The following ETV5 variants were observed in gnomAD, a reference collection of about 807,000 sequenced individuals.
ETV5 encodes the protein ETS translocation variant 5.
Under a neutral mutation model 70.0 loss-of-function variants are expected in ETV5, and 10 were observed. That is an observed-to-expected ratio of 0.14 (90% CI 0.09 to 0.24). ETV5 has a LOEUF of 0.24. ETV5 is among the 10% of genes least tolerant of loss of function. The pLI is 1.00. For synonymous variants in ETV5, 216 were observed against 242.2 expected, an observed-to-expected ratio of 0.89 and a Z score of 1.01; for missense variants, 453 against 651.2, an observed-to-expected ratio of 0.70 and a Z score of 3.31.
At chr3:186,079,751 C>T (rs1713884685) in intron 7 of ETV5, 66 bp downstream of exon 7, 2 of 1,502,324 alleles carry the variant, frequency 1.3e-6, no homozygotes, top group African/African-American at 1.4e-5. Context: ...ACTGCTTCCC[C>T]TCTCCCAGTG....
chr3:186,106,738 C>T (rs941488998), intron 1 of ETV5, among the ~76,000 whole-genome samples: 2 of 151,990 alleles, frequency 1.3e-5, no homozygotes, highest in Admixed American at 1.3e-4. Context: ...TAGACATACC[C>T]CCCCACCCCC....
chr3:186,088,561 A>C (rs1714110305), intron 5 of ETV5, among the ~76,000 whole-genome samples: 1 of 152,116 alleles, frequency 6.6e-6, no homozygotes, highest in Non-Finnish European at 1.5e-5. Flanking sequence ...GTGGGAGGGG[A>C]GAGAAGTCCG....
chr3:186,079,025 G>A, intron 7 of ETV5: 1 of 1,062,648 alleles, frequency 9.4e-7, no homozygotes, highest in Non-Finnish European at 1.1e-6. Flanking sequence ...AGATAGATAT[G>A]AAATACCATG....
rs1212645405 is a variant in ETV5 at position 186,079,933 on chromosome 3, G to A, written c.534C>T (p.Pro178=). Reference sequence around the variant, plus strand: ...GTGGTCCAGGCTCTGGAAGCGAATGGGGGGCGGGGGCGGGGCCCACACCTT... The same window carrying A: ...GTGGTCCAGGCTCTGGAAGCGAATGAGGGGCGGGGGCGGGGCCCACACCTT... The part of the protein sequence containing the change: ...PVQGVGPAPA[P]HSLPEPGPQQ... Residue 178 remains proline (P), a synonymous_variant, in exon 7 of 13, where the codon CCC becomes CCT. Transcript: ENST00000306376. The A allele has an allele frequency of 4.4e-6, 7 of 1,604,780 alleles. No homozygotes were observed. Among genetic ancestry groups the A allele is most frequent in the Non-Finnish European group, 4.3e-6 (5 of 1,174,396 alleles).
chr3:186,069,812 T>C (rs911740289), intron 7 of ETV5, among the ~76,000 whole-genome samples: 1 of 152,120 alleles, frequency 6.6e-6, no homozygotes, highest in African/African-American at 2.4e-5. Context: ...GAAGGTATTC[T>C]TTTTATTTTT....
At chr3:186,056,110 A>G (rs560734979) in intron 11 of ETV5, among the ~76,000 whole-genome samples, 1 of 152,354 alleles carries the variant, frequency 6.6e-6, no homozygotes, top group African/African-American at 2.4e-5. Context: ...TGTGATATTC[A>G]GGAAAGGGAT....
At position 186,079,655 on chromosome 3, in the gene ETV5, C is replaced by T. The variant is rs372559937; in HGVS notation, c.650+162G>A. 2.2e-4 allele frequency among the ~76,000 whole-genome samples: 33 copies of T among 152,312 alleles called. 1 individual carries two copies. Among genetic ancestry groups the T allele is most frequent in the African/African-American group, 7.9e-4 (33 of 41,568 alleles). The stretch of plus-strand genomic sequence containing the variant: ...CCTTGGGAACAGGGTGGTATATAAA[C>T]AGTCATATTCGTATTATCATTAGTC... On this transcript the variant is annotated intron_variant, in intron 7 of 12. Coordinates refer to ENST00000306376, the MANE Select transcript of ETV5 (RefSeq NM_004454.3).
At chr3:186,063,157 C>T (rs1713349037) in intron 9 of ETV5, among the ~76,000 whole-genome samples, 1 of 152,098 alleles carries the variant, frequency 6.6e-6, no homozygotes, top group Admixed American at 6.6e-5. Context: ...GTAGTCCCAG[C>T]TACTTGGGAG....
intron 7 of ETV5, among the ~76,000 whole-genome samples, chr3:186,072,687 G>A (rs1713672456): frequency 6.6e-6 from 1 of 152,184 alleles, no homozygotes; most frequent in African/African-American, 2.4e-5. Flanking sequence ...TAAACTGTGA[G>A]AAGACATTGA....
intron 1 of ETV5, chr3:186,106,955 A>G: frequency 1.0e-6 from 1 of 985,068 alleles, no homozygotes; most frequent in East Asian, 1.1e-4. Flanking sequence ...CTCCAGCTCT[A>G]AGCAATTCAA....
chr3:186,051,751 A>G (rs1329963405), intron 12 of ETV5, among the ~76,000 whole-genome samples: 1 of 152,172 alleles, frequency 6.6e-6, no homozygotes, highest in Non-Finnish European at 1.5e-5. Flanking sequence ...GGAAATTTCT[A>G]TATATAGAAG....
At chr3:186,051,513 G>A (rs1443609238) in intron 12 of ETV5, among the ~76,000 whole-genome samples, 1 of 152,212 alleles carries the variant, frequency 6.6e-6, no homozygotes, top group African/African-American at 2.4e-5. Flanking sequence ...AGGTGACTCT[G>A]CTGCCATTCT....
chr3:186,066,692 T>C (rs192855591), intron 7 of ETV5, among the ~76,000 whole-genome samples: 101 of 152,272 alleles, frequency 6.6e-4, no homozygotes, highest in Non-Finnish European at 1.3e-3. Flanking sequence ...TCACTGAAAA[T>C]TAATCTATAA....
chr3:186,080,359 T>C (rs1713903371), intron 6 of ETV5, among the ~76,000 whole-genome samples: 1 of 152,064 alleles, frequency 6.6e-6, no homozygotes, highest in Non-Finnish European at 1.5e-5. Flanking sequence ...CGGTTTCCTT[T>C]TTCCCTCCTT....
chr3:186,107,708 A>G (rs555815669), intron 1 of ETV5, among the ~76,000 whole-genome samples: 1 of 152,134 alleles, frequency 6.6e-6, no homozygotes, highest in South Asian at 2.1e-4. Context: ...ACTTTAGCAC[A>G]GCGCAGCGGC....
chr3:186,076,705 T>C (rs1713798742), intron 7 of ETV5: 1 of 187,788 alleles, frequency 5.3e-6, no homozygotes, highest in African/African-American at 2.3e-5. Context: ...AGGCTAAATG[T>C]GGCCTAAAGA....
At chr3:186,073,126 C>T (rs1226452035) in intron 7 of ETV5, among the ~76,000 whole-genome samples, 5 of 151,972 alleles carry the variant, frequency 3.3e-5, no homozygotes, top group South Asian at 2.1e-4. Flanking sequence ...AGTGAGACTC[C>T]GTCTCAAAAC....
rs757221699 is a variant in ETV5 at position 186,064,459 on chromosome 3, A to C, written c.928T>G (p.Ser310Ala). Reference protein sequence around the residue: ...CVDSEVPNCQSSYMRGGYFSS... With the variant: ...CVDSEVPNCQASYMRGGYFSS... Reference sequence around the variant, plus strand: ...AAATAACCCCCTCTCATGTAGGATGACTGGCAGTTAGGCACTTCTGAAAGG... The same window carrying C: ...AAATAACCCCCTCTCATGTAGGATGCCTGGCAGTTAGGCACTTCTGAAAGG... Residue 310 changes from serine (S) to alanine (A), a missense_variant, in exon 9 of 13, where the codon TCA becomes GCA. By Grantham distance (99) the Ser-to-Ala change is moderately conservative. Transcript: ENST00000306376. 1.2e-6 allele frequency: 2 copies of C among 1,614,202 alleles called. No individual in the cohort carries two copies. Among genetic ancestry groups the C allele is most frequent in the Non-Finnish European group, 1.7e-6 (2 of 1,180,032 alleles).
At chr3:186,072,039 A>G (rs1188536196) in intron 7 of ETV5, among the ~76,000 whole-genome samples, 1 of 148,124 alleles carries the variant, frequency 6.8e-6, no homozygotes, top group Non-Finnish European at 1.5e-5. Flanking sequence ...ACCTCAAGTG[A>G]TCCACACACC....
Sources: allele counts gnomAD v4.1 joint callset (sites outside exome capture counted in the v4.1 genomes callset), GRCh38; gene constraint gnomAD v4.1.1; transcripts MANE v1.5; gene names NCBI Gene and HGNC (gene_info 2026-07-23, HGNC 2026-07-21).